LTAP1: variants seen among roughly 807,000 people sequenced by gnomAD.
LTAP1 encodes HCV NS5A-transactivated protein 4.
chr1:154,217,935 A>ACTAC, the LTAP1 span, among the ~76,000 whole-genome samples: 1 of 152,080 alleles, frequency 6.6e-6, no homozygotes, highest in Non-Finnish European at 1.5e-5. Context: ...TGAATATACC[A>ACTAC]CTACCTATTT....
the LTAP1 span, among the ~76,000 whole-genome samples, chr1:154,209,348 G>A: frequency 6.6e-6 from 1 of 151,188 alleles, no homozygotes; most frequent in East Asian, 1.9e-4. Context: ...ATTTTGAACA[G>A]GCTTCTGCTG....
At chr1:154,213,979 C>A in the LTAP1 span, 1 of 1,599,034 alleles carries the variant, frequency 6.3e-7, no homozygotes, top group Non-Finnish European at 8.6e-7. Context: ...TAGGCATAAC[C>A]CTAAAAATAT....
At chr1:154,217,806 G>A in the LTAP1 span, among the ~76,000 whole-genome samples, 7 of 152,022 alleles carry the variant, frequency 4.6e-5, no homozygotes, top group African/African-American at 1.7e-4. Flanking sequence ...TACCATGCCC[G>A]GCCCACTCAG....
the LTAP1 span, chr1:154,212,107 TCGGC>T: frequency 1.9e-6 from 1 of 539,236 alleles, no homozygotes; most frequent in African/African-American, 1.9e-5. Flanking sequence ...TCCTCCCGCC[TCGGC>T]CTCCCAAAGT....
At chr1:154,211,861 CT>C in the LTAP1 span, 809 of 149,476 alleles carry the variant, frequency 5.4e-3, no homozygotes, top group South Asian at 0.012. Flanking sequence ...TTCTTTTCTT[CT>C]TTTTTTTTTT....
At chr1:154,211,849 CTTTCT>C in the LTAP1 span, 3 of 160,438 alleles carry the variant, frequency 1.9e-5, no homozygotes, top group East Asian at 1.8e-4. Context: ...GTTGCATCTG[CTTTCT>C]TTTCTTCTTT....
At chr1:154,207,677 C>A in the LTAP1 span, 1 of 1,551,828 alleles carries the variant, frequency 6.4e-7, no homozygotes, top group South Asian at 1.2e-5. Flanking sequence ...AGGTCATTGA[C>A]AGAATGAGGA....
At chr1:154,220,209 T>G in the LTAP1 span, 1 of 1,124,502 alleles carries the variant, frequency 8.9e-7, no homozygotes, top group Non-Finnish European at 1.3e-6. Flanking sequence ...TCCCACCTAC[T>G]CCTGGAATAA....
the LTAP1 span, among the ~76,000 whole-genome samples, chr1:154,214,156 A>G: frequency 3.3e-4 from 50 of 152,308 alleles, 1 homozygote; most frequent in East Asian, 9.4e-3. Context: ...GCATGCCTGT[A>G]ATCCCAGCTA....
the LTAP1 span, chr1:154,219,878 A>G: frequency 3.1e-6 from 5 of 1,614,010 alleles, no homozygotes; most frequent in Non-Finnish European, 4.2e-6. Context: ...GTCCCCTTCG[A>G]GATTTCATTG....
chr1:154,215,362 C>T, the LTAP1 span, among the ~76,000 whole-genome samples: 4 of 151,862 alleles, frequency 2.6e-5, no homozygotes, highest in African/African-American at 7.3e-5. Context: ...GTCAGGAGAT[C>T]GAGACCATCC....
chr1:154,207,749 T>C, the LTAP1 span: 1 of 973,426 alleles, frequency 1.0e-6, no homozygotes. Context: ...CAAATAGTTA[T>C]TTGTGTCCTA....
the LTAP1 span, among the ~76,000 whole-genome samples, chr1:154,213,575 A>G: frequency 2.0e-5 from 3 of 152,242 alleles, no homozygotes; most frequent in African/African-American, 7.2e-5. Flanking sequence ...AGAACAATCT[A>G]TCTTGGGCTT....
the LTAP1 span, among the ~76,000 whole-genome samples, chr1:154,215,590 T>C: frequency 6.7e-6 from 1 of 150,236 alleles, no homozygotes; most frequent in Non-Finnish European, 1.5e-5. Flanking sequence ...ATACTAAAGG[T>C]AGCACCTCTC....
chr1:154,212,652 T>C, the LTAP1 span: 1 of 1,612,198 alleles, frequency 6.2e-7, no homozygotes, highest in Non-Finnish European at 8.5e-7. Flanking sequence ...CAATGATATC[T>C]CTTCTCATTC....
the LTAP1 span, chr1:154,214,565 C>T: frequency 6.2e-7 from 1 of 1,602,756 alleles, no homozygotes; most frequent in Non-Finnish European, 8.5e-7. Flanking sequence ...TCAATCTCCT[C>T]TTTCAAGTCC....
chr1:154,219,036 G>A, the LTAP1 span, among the ~76,000 whole-genome samples: 11 of 152,202 alleles, frequency 7.2e-5, no homozygotes, highest in African/African-American at 2.7e-4. Context: ...GTGGAGCTGG[G>A]TCCCAGTGAT....
the LTAP1 span, chr1:154,207,671 C>A: frequency 6.4e-7 from 1 of 1,566,136 alleles, no homozygotes; most frequent in South Asian, 1.2e-5. Flanking sequence ...GAGGGGAGGT[C>A]ATTGACAGAA....
chr1:154,220,485 C>T, the LTAP1 span: 2 of 1,557,950 alleles, frequency 1.3e-6, no homozygotes, highest in South Asian at 1.1e-5. Flanking sequence ...GCCGAAGCGA[C>T]GGCGCCTGGG....
Sources: allele counts gnomAD v4.1 joint callset (sites outside exome capture counted in the v4.1 genomes callset), GRCh38; gene constraint gnomAD v4.1.1; transcripts MANE v1.5; gene names NCBI Gene and HGNC (gene_info 2026-07-23, HGNC 2026-07-21).